Variants in MCPH1 observed in about 807,000 individuals in gnomAD.
MCPH1 encodes microcephalin.
MCPH1 carries 104 observed loss-of-function variants against 84.5 expected under a neutral mutation model. That is an observed-to-expected ratio of 1.23 (90% CI 1.05 to 1.45). The LOEUF is 1.45. MCPH1 is among the 40% of genes most tolerant of loss of function. The pLI is 0.00. For synonymous variants in MCPH1, 514 were observed against 366.8 expected (o/e 1.40, Z -4.58); for missense variants, 1,498 against 1,005.7 (o/e 1.49, Z -6.62).
At chr8:6,469,377 G>A (rs1807423304) in intron 9 of MCPH1, among the ~76,000 whole-genome samples, 1 of 152,140 alleles carries the variant, frequency 6.6e-6, no homozygotes, top group Non-Finnish European at 1.5e-5. Flanking sequence ...GAGTCTTTCT[G>A]AAGGTGCTTT....
chr8:6,490,769 T>C (rs1257195247), intron 11 of MCPH1, among the ~76,000 whole-genome samples: 2 of 152,108 alleles, frequency 1.3e-5, no homozygotes, highest in Non-Finnish European at 2.9e-5. Flanking sequence ...AACCAGAGAA[T>C]GAGAATTATG....
rs1804048511 is a variant in MCPH1, at chr8:6,444,860, T to C, written c.1138T>C (p.Ser380Pro). The change falls in exon 8 of 14, where the codon TCT becomes CCT. Residue 380 changes from serine (S) to proline (P), a missense_variant. Physicochemically the swap from Ser to Pro is moderately conservative, Grantham distance 74. Coordinates refer to ENST00000344683, the MANE Select transcript of MCPH1 (RefSeq NM_024596.5). ...KCKRKRSTRR[S>P]IMPRLQLCRS... ...CAAGAGAAAGAGGAGCACCAGGAGA[T>C]CTATCATGCCGAGGCTGCAGCTGTG... 3 of 1,614,074 alleles carry C rather than the reference T, an allele frequency of 1.9e-6. No homozygotes were observed. The highest frequency in any genetic ancestry group is 2.2e-5 in the East Asian group (1 of 44,880).
At position 6,493,864 on chromosome 8, in the gene MCPH1, C is replaced by T. The variant is rs541817452; in HGVS notation, c.2137-5988C>T. On this transcript the variant is annotated intron_variant, in intron 11 of 13. Transcript: ENST00000344683. The stretch of plus-strand genomic sequence containing the variant: ...CACATCGTCAAGCTGTTAGTCAAGA[C>T]AGTAATCCTCTGTGGAAACTGTGGC... 3.3e-5 allele frequency among the ~76,000 whole-genome samples: 5 copies of T among 152,280 alleles called. No individual in the cohort carries two copies. In the East Asian group the frequency reaches 5.8e-4, roughly 18 times the overall value.
chr8:6,488,122 G>A lies in MCPH1; in HGVS notation c.2136+7246G>A, dbSNP rs143300519. On this transcript the variant is annotated intron_variant, in intron 11 of 13. Transcript: ENST00000344683. The stretch of plus-strand genomic sequence containing the variant: ...GAGGTGGTTCCTGAGCAGTGCCAGA[G>A]CTCATTCTCTGCGGAGGCTCCTGCA... 2.0e-3 allele frequency among the ~76,000 whole-genome samples: 312 copies of A among 152,364 alleles called. 1 individual carries two copies. Among genetic ancestry groups the A allele is most frequent in the African/African-American group, 7.2e-3 (298 of 41,594 alleles).
At chr8:6,640,097 TGC>T (rs59378325) in intron 13 of MCPH1, among the ~76,000 whole-genome samples, 3,377 of 131,408 alleles carry the variant, frequency 0.026, 71 homozygotes, top group African/African-American at 0.07. Context: ...TGTGTGTGTG[TGC>T]GCGCGCGTGT....
chr8:6,570,560 C>T (rs1826570354), intron 12 of MCPH1, among the ~76,000 whole-genome samples: 2 of 152,176 alleles, frequency 1.3e-5, no homozygotes, highest in Non-Finnish European at 2.9e-5. Context: ...AAGGCCTTAT[C>T]TGGGACAATT....
intron 12 of MCPH1, chr8:6,562,820 C>T (rs1825761815): frequency 6.2e-7 from 1 of 1,613,812 alleles, no homozygotes; most frequent in Non-Finnish European, 8.5e-7. Flanking sequence ...CTGCAGGACC[C>T]ATGCTGGACC....
At chr8:6,425,139 G>C (rs528450923) in intron 3 of MCPH1, among the ~76,000 whole-genome samples, 6 of 152,210 alleles carry the variant, frequency 3.9e-5, no homozygotes, top group African/African-American at 1.4e-4. Context: ...GTGCTGGAGT[G>C]AATCGGCTCT....
At chr8:6,433,655 AC>A (rs199577562) in intron 4 of MCPH1, among the ~76,000 whole-genome samples, 3,513 of 143,708 alleles carry the variant, frequency 0.024, 174 homozygotes, top group South Asian at 0.036. Context: ...AAAAAAAAAA[AC>A]CTATTTCGTG....
chr8:6,457,797 G>C (rs1255324054), intron 9 of MCPH1, among the ~76,000 whole-genome samples: 2 of 152,106 alleles, frequency 1.3e-5, no homozygotes, highest in African/African-American at 4.8e-5. Flanking sequence ...CTCTTTCGCA[G>C]GATTTTCTTC....
At chr8:6,417,916 T>C (rs1799547521) in intron 3 of MCPH1, among the ~76,000 whole-genome samples, 1 of 152,248 alleles carries the variant, frequency 6.6e-6, no homozygotes, top group African/African-American at 2.4e-5. Flanking sequence ...TTCTTTTCTA[T>C]TGTCGCAAAG....
At chr8:6,565,454 C>T (rs1009590474) in intron 12 of MCPH1, among the ~76,000 whole-genome samples, 19 of 152,076 alleles carry the variant, frequency 1.2e-4, no homozygotes, top group Non-Finnish European at 2.8e-4. Context: ...GAGACGGGGT[C>T]TCACTCTTGT....
chr8:6,445,848 C>G (rs944541021), intron 8 of MCPH1: 2 of 1,104,988 alleles, frequency 1.8e-6, no homozygotes, highest in Non-Finnish European at 2.2e-6. Flanking sequence ...GGAGTGAAGT[C>G]TTTTTCCTTA....
chr8:6,414,360 G>C (rs530172785), intron 2 of MCPH1, among the ~76,000 whole-genome samples: 1 of 152,302 alleles, frequency 6.6e-6, no homozygotes, highest in East Asian at 1.9e-4. Context: ...TTAAATATGT[G>C]TTCTGTTTTC....
intron 12 of MCPH1, chr8:6,513,890 T>G: frequency 2.6e-6 from 4 of 1,542,344 alleles, no homozygotes; most frequent in Non-Finnish European, 3.5e-6. Context: ...TAATTTTTTC[T>G]TTGTATATTT....
At chr8:6,476,913 C>T (rs1475743332) in intron 9 of MCPH1, among the ~76,000 whole-genome samples, 1 of 152,128 alleles carries the variant, frequency 6.6e-6, no homozygotes, top group Non-Finnish European at 1.5e-5. Flanking sequence ...GCTGAATATA[C>T]TGCCAAATTG....
intron 12 of MCPH1, among the ~76,000 whole-genome samples, chr8:6,520,692 G>A (rs760409651): frequency 6.6e-6 from 1 of 152,122 alleles, no homozygotes; most frequent in Non-Finnish European, 1.5e-5. Context: ...CACCACACCT[G>A]GCCCTTCCCT....
chr8:6,543,884 C>G (rs1822060628), intron 12 of MCPH1, among the ~76,000 whole-genome samples: 1 of 152,274 alleles, frequency 6.6e-6, no homozygotes, highest in South Asian at 2.1e-4. Flanking sequence ...TTTGCAGAAG[C>G]TGAAAGGGCG....
chr8:6,413,753 CT>C lies in MCPH1; in HGVS notation c.115-994del, dbSNP rs1164464040. Among the ~76,000 whole-genome samples the C allele has an allele frequency of 5.0e-4, 73 of 144,874 alleles. 1 individual carries two copies. The highest frequency in any genetic ancestry group is 7.2e-4 in the African/African-American group (28 of 38,878). ...TGATCATGTTGCGTGAATACAGTAT[CT>C]TTTTTTTTTTTTTTTTTGGAGATGG... On this transcript the variant is annotated intron_variant, in intron 2 of 13. Transcript: ENST00000344683.
Sources: gnomAD v4.1 joint callset for allele counts (sites outside exome capture counted in the v4.1 genomes callset) on GRCh38, gnomAD v4.1.1 for gene constraint, MANE v1.5 for transcripts, NCBI Gene and HGNC (gene_info 2026-07-23, HGNC 2026-07-21) for gene names.